Variants in PCNX2 observed in about 807,000 individuals in gnomAD.
The protein encoded by PCNX2 is pecanex-like protein 2.
In PCNX2, 168 loss-of-function variants were observed where a neutral mutation model predicts 223.8. The observed-to-expected ratio is 0.75, with a 90% CI of 0.66 to 0.85. The LOEUF is 0.85. PCNX2 is among the 40% of genes least tolerant of loss of function. The probability of loss-of-function intolerance (pLI) is 0.00; values close to 1 mark genes in which losing one functional copy is unlikely to be tolerated. For synonymous variants in PCNX2, 1,006 were observed against 1,052.6 expected (o/e 0.96, Z 0.86); for missense variants, 2,507 against 2,675.5 (o/e 0.94, Z 1.39).
chr1:233,226,114 C>T (rs896195540), intron 10 of PCNX2, among the ~76,000 whole-genome samples: 2 of 152,200 alleles, frequency 1.3e-5, no homozygotes, highest in African/African-American at 4.8e-5. Flanking sequence ...TTGCTTATGG[C>T]AGCATTAGTA....
intron 17 of PCNX2, among the ~76,000 whole-genome samples, chr1:233,165,427 A>G (rs1269878476): frequency 2.6e-5 from 4 of 152,112 alleles, no homozygotes; most frequent in African/African-American, 9.7e-5. Context: ...ACATCCTACA[A>G]TGCACAAGAC....
chr1:232,994,423 CA>C (rs1669806429), intron 32 of PCNX2, among the ~76,000 whole-genome samples: 1 of 152,244 alleles, frequency 6.6e-6, no homozygotes, highest in Non-Finnish European at 1.5e-5. Flanking sequence ...GACATTTACC[CA>C]ATGCTTGTTC....
In PCNX2 at chr1:233,182,837, C is replaced by T. The variant is rs576138503; in HGVS notation, c.3067-3662G>A. Among the ~76,000 whole-genome samples, 4 of 152,238 alleles carry T rather than the reference C, an allele frequency of 2.6e-5. No individual in the cohort carries two copies. The South Asian group carries it at 8.3e-4, about 32-fold the overall frequency. ...GTGCTGCCTCCTCTGACTTCCCAGG[C>T]AGAACAGAATCCTCCTCCTTTGTGC... is the stretch of plus-strand genomic sequence containing the variant. On this transcript the variant is annotated intron_variant, in intron 15 of 33. Coordinates refer to ENST00000258229, the MANE Select transcript of PCNX2 (RefSeq NM_014801.4).
intron 13 of PCNX2, 119 bp from the exon 14 acceptor site, chr1:233,200,383 CTTT>C (rs1011802481): frequency 0.025 from 5,275 of 207,954 alleles, no homozygotes; most frequent in South Asian, 0.039. Context: ...TGGAGGCAAT[CTTT>C]TTTTTTTTTT....
At chr1:233,234,532 G>A (rs1302633101) in intron 9 of PCNX2, among the ~76,000 whole-genome samples, 2 of 152,178 alleles carry the variant, frequency 1.3e-5, no homozygotes, top group Admixed American at 6.5e-5. Context: ...GATTACAAAT[G>A]TAAAATAAGG....
chr1:233,233,275 T>C (rs1207624743), intron 9 of PCNX2, among the ~76,000 whole-genome samples: 7 of 152,200 alleles, frequency 4.6e-5, no homozygotes, highest in Admixed American at 1.3e-4. Context: ...ACATTTTTAA[T>C]TGGTAATATT....
At chr1:233,018,930 CG>C (rs112899778) in intron 26 of PCNX2, 1 of 985,296 alleles carries the variant, frequency 1.0e-6, no homozygotes, top group African/African-American at 1.7e-5. Context: ...TGGACGGAAA[CG>C]AAGTCTTCAG....
intron 32 of PCNX2, among the ~76,000 whole-genome samples, chr1:232,992,056 A>G (rs1191229571): frequency 6.6e-6 from 1 of 152,230 alleles, no homozygotes; most frequent in African/African-American, 2.4e-5. Flanking sequence ...GACCAGGGAG[A>G]AAAAGCAAGA....
intron 17 of PCNX2, among the ~76,000 whole-genome samples, chr1:233,164,824 A>G (rs1678694185): frequency 6.6e-6 from 1 of 152,122 alleles, no homozygotes; most frequent in South Asian, 2.1e-4. Context: ...AGAATCTAAA[A>G]AAGCCAATCT....
At chr1:233,098,237 A>C (rs1485975305) in intron 21 of PCNX2, among the ~76,000 whole-genome samples, 1 of 152,210 alleles carries the variant, frequency 6.6e-6, no homozygotes, top group Non-Finnish European at 1.5e-5. Flanking sequence ...CTTTTGAAAA[A>C]GCTGATAAGT....
intron 33 of PCNX2, chr1:232,984,807 CCT>C (rs1417244389): frequency 1.9e-4 from 42 of 222,684 alleles, no homozygotes; most frequent in African/African-American, 8.5e-4. Context: ...ACACTTAGCC[CCT>C]GTCATGAATG....
At chr1:233,216,743 G>C (rs974264579) in intron 12 of PCNX2, among the ~76,000 whole-genome samples, 5 of 152,060 alleles carry the variant, frequency 3.3e-5, no homozygotes, top group African/African-American at 1.2e-4. Flanking sequence ...ATGTCCAAAA[G>C]ATATACGCAT....
intron 17 of PCNX2, among the ~76,000 whole-genome samples, chr1:233,170,696 C>G (rs1679098849): frequency 1.3e-5 from 2 of 152,120 alleles, no homozygotes; most frequent in African/African-American, 4.8e-5. Context: ...TTTATTTTCT[C>G]ATATTTAGGC....
chr1:233,243,084 C>T (rs1345129927), intron 8 of PCNX2, among the ~76,000 whole-genome samples: 1 of 152,204 alleles, frequency 6.6e-6, no homozygotes, highest in African/African-American at 2.4e-5. Flanking sequence ...TCCACAAGAA[C>T]CGCACTGGTT....
At chr1:233,273,131 C>A (rs1660731217) in intron 1 of PCNX2, among the ~76,000 whole-genome samples, 2 of 141,816 alleles carry the variant, frequency 1.4e-5, no homozygotes, top group African/African-American at 5.5e-5. Context: ...ACCTGTTCTC[C>A]AAAAACCTAT....
At position 233,235,957 on chromosome 1, in the gene PCNX2, A is replaced by AAAATATATATATAT. The variant is rs369886650; in HGVS notation, c.2358+887_2358+888insATATATATATATTT. ...ATGTGGCAAAGCAATCATAAAAAAA[A>AAAATATATATATAT]ATATATATATATATATATATATATA... On this transcript the variant is annotated intron_variant, in intron 9 of 33. Transcript: ENST00000258229. Among the ~76,000 whole-genome samples, 596 of 93,022 alleles carry AAAATATATATATAT rather than the reference A, an allele frequency of 6.4e-3. 4 individuals are homozygous for AAAATATATATATAT. Among genetic ancestry groups the AAAATATATATATAT allele is most frequent in the Non-Finnish European group, 0.011 (484 of 45,896 alleles). 61.0% of individuals were successfully genotyped at this position (93,022 alleles called of 152,430 possible).
rs894697996 is a variant in PCNX2, at chr1:232,991,818, C to T, written c.5792-5278G>A. ...CAGGAGGAACCAAGCCTGCCCACAC[C>T]TGGATCTCAGACTTCCAGCCTCCAG... is the stretch of plus-strand genomic sequence containing the variant. On this transcript the variant is annotated intron_variant, in intron 32 of 33. Transcript: ENST00000258229. This position sits in a 1 kb window ranked among gnomAD's most constrained non-coding sequence, Gnocchi z 4.3. 6.6e-6 allele frequency among the ~76,000 whole-genome samples: 1 copy of T among 152,106 alleles called. No individual in the cohort carries two copies. Among genetic ancestry groups the T allele is most frequent in the Non-Finnish European group, 1.5e-5 (1 of 68,022 alleles).
intron 23 of PCNX2, chr1:233,086,932 C>T (rs909649210): frequency 1.3e-6 from 1 of 782,136 alleles, no homozygotes; most frequent in Non-Finnish European, 1.6e-6. Flanking sequence ...TGTTTTAGGA[C>T]AGCTATCCTA....
chr1:233,121,854 T>C (rs1356677192), intron 21 of PCNX2, among the ~76,000 whole-genome samples: 2 of 152,194 alleles, frequency 1.3e-5, no homozygotes, highest in Non-Finnish European at 2.9e-5. Flanking sequence ...TATGTGTATA[T>C]ACAGATGATA....
Sources: gnomAD v4.1 joint callset for allele counts (sites outside exome capture counted in the v4.1 genomes callset) on GRCh38, gnomAD v4.1.1 for gene constraint, Gnocchi (gnomAD v3.1) non-coding constraint, MANE v1.5 for transcripts, NCBI Gene and HGNC (gene_info 2026-07-23, HGNC 2026-07-21) for gene names.